SUMF1: variants seen among roughly 807,000 people sequenced by gnomAD.
The protein encoded by SUMF1 is formylglycine-generating enzyme.
Under a neutral mutation model 47.6 loss-of-function variants are expected in SUMF1, and 48 were observed. That is an observed-to-expected ratio of 1.01 (90% CI 0.80 to 1.28). The LOEUF (loss-of-function observed/expected upper bound fraction) is 1.28. SUMF1 is among the 50% of genes most tolerant of loss of function. SUMF1 has a pLI of 0.00. For missense variants in SUMF1, 571 were observed against 485.4 expected, an observed-to-expected ratio of 1.18 and a Z score of -1.66; for synonymous variants, 230 against 192.1, an observed-to-expected ratio of 1.20 and a Z score of -1.63.
At chr3:4,108,775 T>G in intron 8 of SUMF1, among the ~76,000 whole-genome samples, 1 of 152,144 alleles carries the variant, frequency 6.6e-6, no homozygotes, top group African/African-American at 2.4e-5. Flanking sequence ...TCCATTTGCT[T>G]GGTAGATCTT....
At chr3:4,114,603 G>T (rs946120689) in intron 8 of SUMF1, among the ~76,000 whole-genome samples, 4 of 152,138 alleles carry the variant, frequency 2.6e-5, no homozygotes, top group Admixed American at 1.3e-4. Context: ...AATGAGACCC[G>T]TATCAGGTTA....
chr3:4,381,822 AT>A (rs1700513356), intron 7 of SUMF1, among the ~76,000 whole-genome samples: 1 of 152,228 alleles, frequency 6.6e-6, no homozygotes, highest in Non-Finnish European at 1.5e-5. Flanking sequence ...GTATGGGAAG[AT>A]TGCTTGAGCC....
At chr3:4,091,652 C>A (rs1265619981) in intron 8 of SUMF1, among the ~76,000 whole-genome samples, 2 of 152,032 alleles carry the variant, frequency 1.3e-5, no homozygotes, top group East Asian at 1.9e-4. Flanking sequence ...ATTTTTATTG[C>A]AATCAACCAG....
At chr3:4,314,014 A>G in intron 8 of SUMF1, 1 of 605,976 alleles carries the variant, frequency 1.7e-6, no homozygotes, top group South Asian at 2.5e-5. Context: ...ATAAGCAAAA[A>G]TGACAAGTCC....
At chr3:4,252,876 A>C (rs1372625545) in intron 8 of SUMF1, among the ~76,000 whole-genome samples, 1 of 152,166 alleles carries the variant, frequency 6.6e-6, no homozygotes, top group African/African-American at 2.4e-5. Flanking sequence ...AAACACAAAA[A>C]TGCACCCTAA....
At chr3:4,038,212 C>A (rs1303462477) in intron 9 of SUMF1, among the ~76,000 whole-genome samples, 1 of 152,140 alleles carries the variant, frequency 6.6e-6, no homozygotes, top group Non-Finnish European at 1.5e-5. Flanking sequence ...CACTTGTCTC[C>A]TGGGGGCTCC....
intron 8 of SUMF1, among the ~76,000 whole-genome samples, chr3:4,321,470 T>TAAAAAAAAA (rs1206478992): frequency 1.3e-3 from 84 of 63,686 alleles, no homozygotes; most frequent in East Asian, 3.5e-3. Flanking sequence ...AAGGAAATGC[T>TAAAAAAAAA]AAAAAAAAAA....
intron 8 of SUMF1, among the ~76,000 whole-genome samples, chr3:4,069,279 G>A (rs1695459075): frequency 6.6e-6 from 1 of 152,094 alleles, no homozygotes; most frequent in Admixed American, 6.5e-5. Context: ...CCCTGCAAGG[G>A]AGAGATGAAA....
At chr3:4,102,176 C>T (rs1208388272) in intron 8 of SUMF1, among the ~76,000 whole-genome samples, 1 of 152,152 alleles carries the variant, frequency 6.6e-6, no homozygotes, top group East Asian at 1.9e-4. Flanking sequence ...CAAGTCATAT[C>T]ATTTGCATAA....
At chr3:4,205,244 T>A (rs1695625909) in intron 8 of SUMF1, among the ~76,000 whole-genome samples, 2 of 152,190 alleles carry the variant, frequency 1.3e-5, no homozygotes, top group African/African-American at 4.8e-5. Context: ...AGAATGTACT[T>A]TGTGAGATCC....
intron 8 of SUMF1, among the ~76,000 whole-genome samples, chr3:4,296,129 A>AT: frequency 6.6e-6 from 1 of 152,004 alleles, no homozygotes; most frequent in South Asian, 2.1e-4. Context: ...TAAAAAAAAA[A>AT]CAATACTGGG....
chr3:4,043,182 T>C (rs906906538), intron 9 of SUMF1, among the ~76,000 whole-genome samples: 13 of 152,008 alleles, frequency 8.6e-5, no homozygotes, highest in African/African-American at 2.7e-4. Flanking sequence ...TGGCACCCCA[T>C]GAACACTGGA....
At chr3:4,437,709 TA>T (rs1235551750) in intron 3 of SUMF1, among the ~76,000 whole-genome samples, 3 of 152,006 alleles carry the variant, frequency 2.0e-5, no homozygotes, top group African/African-American at 7.3e-5. Context: ...GAGGCTGAGG[TA>T]GGGGGATCAC....
intron 8 of SUMF1, among the ~76,000 whole-genome samples, chr3:4,235,696 G>A (rs193222899): frequency 6.8e-4 from 104 of 152,148 alleles, no homozygotes; most frequent in Non-Finnish European, 1.1e-3. Flanking sequence ...AGAACCTCAT[G>A]CCCTCATATT....
intron 8 of SUMF1, among the ~76,000 whole-genome samples, chr3:4,192,878 A>T (rs553067781): frequency 6.6e-6 from 1 of 152,288 alleles, no homozygotes; most frequent in East Asian, 1.9e-4. Context: ...GGATAGATCA[A>T]CGTGTCAAGA....
At chr3:4,198,281 G>T (rs562419486) in intron 8 of SUMF1, among the ~76,000 whole-genome samples, 2 of 152,116 alleles carry the variant, frequency 1.3e-5, no homozygotes, top group East Asian at 3.9e-4. Context: ...AAAAGCTCAA[G>T]GGCCAAGATC....
At chr3:4,331,989 CT>C (rs1239046122) in intron 8 of SUMF1, among the ~76,000 whole-genome samples, 1 of 152,082 alleles carries the variant, frequency 6.6e-6, no homozygotes, top group East Asian at 1.9e-4. Flanking sequence ...ATTCTGAAGA[CT>C]TTTTTTATTT....
chr3:4,263,689 A>G (rs1438816045), intron 8 of SUMF1, among the ~76,000 whole-genome samples: 1 of 152,120 alleles, frequency 6.6e-6, no homozygotes, highest in Non-Finnish European at 1.5e-5. Flanking sequence ...CCCAATTCAA[A>G]CACCACATTT....
chr3:4,224,006 C>G (rs1239612286), intron 8 of SUMF1, among the ~76,000 whole-genome samples: 1 of 151,870 alleles, frequency 6.6e-6, no homozygotes, highest in Non-Finnish European at 1.5e-5. Flanking sequence ...TAAGAGTAAG[C>G]AAGAAGGAAC....
Sources: allele counts gnomAD v4.1 joint callset (sites outside exome capture counted in the v4.1 genomes callset), GRCh38; gene constraint gnomAD v4.1.1; transcripts MANE v1.5; gene names NCBI Gene and HGNC (gene_info 2026-07-23, HGNC 2026-07-21).